RBPJ: variants seen among roughly 807,000 people sequenced by gnomAD.
RBPJ encodes the protein recombination signal binding protein for immunoglobulin kappa J region.
In RBPJ, 9 loss-of-function variants were observed where a neutral mutation model predicts 67.8. That is an observed-to-expected ratio of 0.13 (90% CI 0.08 to 0.23). The LOEUF (loss-of-function observed/expected upper bound fraction) is 0.23. Among genes scored for constraint, RBPJ ranks in the 10% least tolerant of loss-of-function variants. RBPJ has a pLI of 1.00. For synonymous variants in RBPJ, 198 were observed against 203.3 expected (o/e 0.97, Z 0.22); for missense variants, 305 against 595.6 (o/e 0.51, Z 5.08).
In RBPJ at chr4:26,275,468, C is replaced by T. The variant is rs193264253; in HGVS notation, c.-166-86978C>T. Among the ~76,000 whole-genome samples the T allele has an allele frequency of 7.2e-5, 11 of 152,284 alleles. No homozygotes were observed. In the East Asian group the frequency reaches 2.1e-3, roughly 29 times the overall value. On this transcript the variant is annotated intron_variant, in intron 1 of 4. Transcript: ENST00000512351. ...TGGGGCAGGAAGGGAACAAGTATTACTAACACCGGAAAAAGAAATTAAAAC... is the reference window on the plus strand; with the variant it reads ...TGGGGCAGGAAGGGAACAAGTATTATTAACACCGGAAAAAGAAATTAAAAC...
chr4:26,140,744 G>A, the RBPJ span, among the ~76,000 whole-genome samples: 2 of 150,356 alleles, frequency 1.3e-5, no homozygotes, highest in South Asian at 4.2e-4. Flanking sequence ...TGATTAGTTA[G>A]GTCTGGGCCA....
intron 1 of RBPJ, among the ~76,000 whole-genome samples, chr4:26,369,164 C>G (rs1277320667): frequency 6.6e-6 from 1 of 152,190 alleles, no homozygotes; most frequent in Non-Finnish European, 1.5e-5. Context: ...CAGAACAGGT[C>G]ATACTCTTAT....
intron 1 of RBPJ, among the ~76,000 whole-genome samples, chr4:26,338,330 A>G (rs1413238900): frequency 6.6e-6 from 1 of 150,418 alleles, no homozygotes; most frequent in Non-Finnish European, 1.5e-5. Flanking sequence ...TAATTTTTGT[A>G]TTTTTAGTAG....
chr4:26,318,996 CAAAAAAAAAAAA>C (rs201084739), upstream of RBPJ, among the ~76,000 whole-genome samples: 2 of 83,866 alleles, frequency 2.4e-5, no homozygotes, highest in East Asian at 3.0e-4. Context: ...GACTCCGTCT[CAAAAAAAAAAAA>C]AAAAAAAAAA....
At chr4:26,245,089 T>C (rs1226599887) in intron 1 of RBPJ, among the ~76,000 whole-genome samples, 3 of 151,656 alleles carry the variant, frequency 2.0e-5, no homozygotes, top group Admixed American at 2.0e-4. Flanking sequence ...CTCAAGTTTG[T>C]ACAACAATCA....
intron 1 of RBPJ, among the ~76,000 whole-genome samples, chr4:26,171,753 A>C (rs1716595341): frequency 6.6e-6 from 1 of 152,142 alleles, no homozygotes; most frequent in South Asian, 2.1e-4. Flanking sequence ...GAGGGAGTAG[A>C]GATAGTACAG....
chr4:26,150,499 A>G, the RBPJ span, among the ~76,000 whole-genome samples: 23 of 152,260 alleles, frequency 1.5e-4, no homozygotes, highest in Non-Finnish European at 3.4e-4. Flanking sequence ...TGGGCGCTGC[A>G]TAAAGCACTT....
At chr4:26,178,647 T>A (rs1253020006) in intron 1 of RBPJ, among the ~76,000 whole-genome samples, 2 of 148,892 alleles carry the variant, frequency 1.3e-5, no homozygotes, top group Non-Finnish European at 3.0e-5. Context: ...CAGACCCCCT[T>A]AGCCTCAGGC....
At chr4:26,131,379 A>G in the RBPJ span, among the ~76,000 whole-genome samples, 1 of 152,178 alleles carries the variant, frequency 6.6e-6, no homozygotes, top group South Asian at 2.1e-4. Flanking sequence ...AGAAAATATC[A>G]AGTATTACGT....
upstream of RBPJ, among the ~76,000 whole-genome samples, chr4:26,316,645 TACAC>T (rs982447837): frequency 1.4e-5 from 2 of 139,474 alleles, no homozygotes; most frequent in Middle Eastern, 3.5e-3. Context: ...GATATATATA[TACAC>T]ATATTGATAT....
intron 1 of RBPJ, among the ~76,000 whole-genome samples, chr4:26,250,661 G>A (rs538298894): frequency 6.6e-6 from 1 of 152,102 alleles, no homozygotes; most frequent in Non-Finnish European, 1.5e-5. Context: ...ATATTTCATT[G>A]TCTGTATATA....
chr4:26,383,150 T>C (rs1219790139), intron 1 of RBPJ, among the ~76,000 whole-genome samples: 1 of 152,200 alleles, frequency 6.6e-6, no homozygotes, highest in Non-Finnish European at 1.5e-5. Flanking sequence ...ATTGAGCTCT[T>C]TTGCACATAT....
intron 1 of RBPJ, among the ~76,000 whole-genome samples, chr4:26,175,879 C>G (rs1177689605): frequency 6.6e-6 from 1 of 152,180 alleles, no homozygotes; most frequent in Non-Finnish European, 1.5e-5. Context: ...CCCACCTGCT[C>G]ACAGTCTTCA....
the RBPJ span, among the ~76,000 whole-genome samples, chr4:26,111,560 C>T: frequency 3.9e-5 from 6 of 152,266 alleles, no homozygotes; most frequent in African/African-American, 7.2e-5. Flanking sequence ...AAAAACTCTA[C>T]GATATGCATG....
the RBPJ span, among the ~76,000 whole-genome samples, chr4:26,122,889 A>G: frequency 8.5e-4 from 129 of 152,328 alleles, no homozygotes; most frequent in African/African-American, 3.1e-3. Flanking sequence ...AACTTTATTT[A>G]CAAAAGCAGA....
intron 1 of RBPJ, among the ~76,000 whole-genome samples, chr4:26,173,266 G>A (rs1577434720): frequency 6.6e-6 from 1 of 152,230 alleles, no homozygotes; most frequent in African/African-American, 2.4e-5. Flanking sequence ...CTCCCGAATA[G>A]CTGGGACTAT....
chr4:26,189,682 AT>A (rs1258848124), intron 1 of RBPJ, among the ~76,000 whole-genome samples: 3 of 152,206 alleles, frequency 2.0e-5, no homozygotes, highest in African/African-American at 7.2e-5. Flanking sequence ...AAGAAAATGT[AT>A]GATTTGATAA....
At chr4:26,180,156 A>G (rs534746982) in intron 1 of RBPJ, among the ~76,000 whole-genome samples, 1 of 152,246 alleles carries the variant, frequency 6.6e-6, no homozygotes, top group Admixed American at 6.5e-5. Flanking sequence ...GGGACAACAG[A>G]CACTGGGATC....
At chr4:26,186,556 C>T (rs1009698397) in intron 1 of RBPJ, among the ~76,000 whole-genome samples, 23 of 152,278 alleles carry the variant, frequency 1.5e-4, no homozygotes, top group Middle Eastern at 3.4e-3. Flanking sequence ...GCGAGACCCT[C>T]TGAGGTCAGG....
Sources: allele counts gnomAD v4.1 joint callset (sites outside exome capture counted in the v4.1 genomes callset), GRCh38; gene constraint gnomAD v4.1.1; transcripts MANE v1.5; gene names NCBI Gene and HGNC (gene_info 2026-07-23, HGNC 2026-07-21).